The following SGSH variants were observed in gnomAD, a reference collection of about 807,000 sequenced individuals.
SGSH encodes heparan sulfate sulfatase.
SGSH carries 48 observed loss-of-function variants against 51.0 expected under a neutral mutation model. The observed-to-expected ratio is 0.94, with a 90% CI of 0.75 to 1.20. The LOEUF (loss-of-function observed/expected upper bound fraction) is 1.20. Among genes scored for constraint, SGSH ranks in the 50% most tolerant of loss-of-function variants. The pLI is 0.00. For missense variants in SGSH, 662 were observed against 717.8 expected (o/e 0.92, Z 0.89); for synonymous variants, 321 against 313.4 (o/e 1.02, Z -0.26).
At chr17:80,201,665 G>A in the SGSH span, 4 of 1,530,248 alleles carry the variant, frequency 2.6e-6, no homozygotes, top group Non-Finnish European at 3.6e-6. This position sits in a 1 kb window ranked among gnomAD's most constrained non-coding sequence, Gnocchi z 5.0. Flanking sequence ...CCTCGCCTCA[G>A]TGCCCTCAGC....
In SGSH at chr17:80,214,768, G is replaced by A. The variant is rs1361176382; in HGVS notation, c.356-3C>T. ...CACGTGCTTCTTCCCGATGATGCCT[G>A]GGCGGGAAGAGAGGCCTGGCCAGAG... On this transcript the variant is annotated splice_region_variant and splice_polypyrimidine_tract_variant and intron_variant, in intron 3 of 7. Coordinates refer to ENST00000326317, the MANE Select transcript of SGSH (RefSeq NM_000199.5). The A allele has an allele frequency of 6.2e-7, 1 of 1,610,702 alleles. No homozygotes were observed. The highest frequency in any genetic ancestry group is 8.5e-7 in the Non-Finnish European group (1 of 1,179,988).
In SGSH at chr17:80,212,583, C is replaced by T. The variant is rs140427382; in HGVS notation, c.746-309G>A. ...CCGGCTTTTGAGTTCTCCGGAATCT[C>T]GTGTCTGTCCCATGGAGCAAATAGG... is the stretch of plus-strand genomic sequence containing the variant. On this transcript the variant is annotated intron_variant, in intron 6 of 7. Coordinates refer to ENST00000326317, the MANE Select transcript of SGSH (RefSeq NM_000199.5). This position sits in a 1 kb window ranked among gnomAD's most constrained non-coding sequence, Gnocchi z 5.9. 180 of 451,928 alleles carry T rather than the reference C, an allele frequency of 4.0e-4. 2 individuals are homozygous for T. In the East Asian group the frequency reaches 8.1e-3, roughly 20 times the overall value. The allele number at this position is 451,928 out of a possible 1,614,324, so 28.0% of individuals were successfully genotyped here.
chr17:80,211,800 G>A, intron 7 of SGSH: 2 of 534,324 alleles, frequency 3.7e-6, no homozygotes, highest in Non-Finnish European at 6.8e-6. Flanking sequence ...CTCATCGGAG[G>A]TAGGCGGGGA....
downstream of SGSH, chr17:80,205,263 C>T: frequency 2.8e-6 from 4 of 1,448,950 alleles, no homozygotes; most frequent in South Asian, 2.5e-5. Flanking sequence ...TCCCTCCTCC[C>T]CTTCCTCCCT....
intron 2 of SGSH, among the ~76,000 whole-genome samples, chr17:80,216,152 A>C (rs7406960): frequency 0.38 from 57,273 of 151,744 alleles, 11,139 homozygotes; most frequent in Admixed American, 0.48. Flanking sequence ...AACATGATGA[A>C]ACCCCATCTC....
Position 80,213,927 on chromosome 17 carries a change from C to T in SGSH, c.664-42G>A, listed in dbSNP as rs772131004. 81 of 1,440,354 alleles carry T rather than the reference C, an allele frequency of 5.6e-5. No homozygotes were observed. The highest frequency in any genetic ancestry group is 2.1e-4 in the East Asian group (9 of 42,828). 89.2% of individuals were successfully genotyped at this position (1,440,354 alleles called of 1,614,324 possible). The stretch of plus-strand genomic sequence containing the variant: ...GGAGCCAGGCTTAGAACAGACAGAC[C>T]GGGGGAGCGGTGTCCAGCCTTCTCC... On this transcript the variant is annotated intron_variant, in intron 5 of 7. Transcript: ENST00000326317. The surrounding 1 kb of genome is among the most constrained non-coding windows in gnomAD (Gnocchi z 4.6).
intron 2 of SGSH, among the ~76,000 whole-genome samples, chr17:80,215,811 T>C (rs1261209431): frequency 6.6e-6 from 1 of 152,062 alleles, no homozygotes; most frequent in Non-Finnish European, 1.5e-5. Context: ...AGAGTGAGAC[T>C]AAAAGAACAA....
intron 3 of SGSH, 103 bp from the exon 4 acceptor site, chr17:80,214,868 G>A (rs1342393956): frequency 4.9e-6 from 7 of 1,417,914 alleles, no homozygotes; most frequent in Admixed American, 1.7e-5. Flanking sequence ...GGTTCTCGTG[G>A]ACACACAGCC....
downstream of SGSH, chr17:80,204,264 T>C: frequency 6.3e-7 from 1 of 1,599,106 alleles, no homozygotes; most frequent in Non-Finnish European, 8.6e-7. Context: ...GTCCGCATCG[T>C]CAGTATGGAC....
rs764534420 is a variant in SGSH at position 80,209,751 on chromosome 17, G to A, written c.*701C>T. ...CGGGCATCGCCATGCCTTCATCTTC[G>A]GACACTCTCAAAAAAGATAAGCTTC... is the stretch of plus-strand genomic sequence containing the variant. On this transcript the variant is annotated 3_prime_UTR_variant, in exon 8 of 8. Coordinates refer to ENST00000326317, the MANE Select transcript of SGSH (RefSeq NM_000199.5). 8.1e-6 allele frequency: 8 copies of A among 985,338 alleles called. No individual in the cohort carries two copies. The highest frequency in any genetic ancestry group is 4.7e-5 in the South Asian group (1 of 21,292). The allele number at this position is 985,338 out of a possible 1,614,324, so 61.0% of individuals were successfully genotyped here.
chr17:80,215,179 C>G, intron 2 of SGSH, 41 bp from the exon 3 acceptor site: 1 of 1,437,930 alleles, frequency 7.0e-7, no homozygotes, highest in Non-Finnish European at 9.6e-7. Flanking sequence ...CCCCGGACAG[C>G]CAGAGCCCGC....
Position 80,210,911 on chromosome 17 carries a change from C to A in SGSH, c.1050G>T (p.Pro350=). 6.2e-7 allele frequency: 1 copy of A among 1,610,420 alleles called. No individual in the cohort carries two copies. Among genetic ancestry groups the A allele is most frequent in the Non-Finnish European group, 8.5e-7 (1 of 1,179,956 alleles). Residue 350 remains proline (P), a synonymous_variant, in exon 8 of 8, where the codon CCG becomes CCT. Transcript: ENST00000326317. The part of the protein sequence containing the change: ...TIHLTGRSLL[P]ALEAEPLWAT... ...CCCAGAGGGGCTCGGCCTCCAGCGC[C>A]GGCAGGAGGGACCGGCCAGTGAGGT...
the SGSH span, chr17:80,201,494 C>A: frequency 7.7e-6 from 4 of 521,088 alleles, no homozygotes; most frequent in Non-Finnish European, 1.4e-5. This position sits in a 1 kb window ranked among gnomAD's most constrained non-coding sequence, Gnocchi z 5.0. Context: ...TCACAAAGAA[C>A]CCCCGATCTC....
chr17:80,205,030 C>T (rs780582938), downstream of SGSH: 15 of 1,574,372 alleles, frequency 9.5e-6, no homozygotes, highest in Non-Finnish European at 1.3e-5. Context: ...TCCTCTCCTC[C>T]ACAGGCTCCA....
chr17:80,215,680 G>T (rs1236255724), intron 2 of SGSH, among the ~76,000 whole-genome samples: 1 of 152,150 alleles, frequency 6.6e-6, no homozygotes, highest in Non-Finnish European at 1.5e-5. Context: ...TTAGCTGGGC[G>T]TGGTGGCGGG....
At position 80,209,670 on chromosome 17, in the gene SGSH, G is replaced by A. The variant is rs868131368; in HGVS notation, c.*782C>T. ...GAAGAATTAACCCAAGCCAGAGGAC[G>A]GGCATCACCACCCAGCAATGCCAGT... On this transcript the variant is annotated 3_prime_UTR_variant, in exon 8 of 8. Transcript: ENST00000326317. 6.1e-6 allele frequency: 6 copies of A among 983,766 alleles called. No homozygotes were observed. Among genetic ancestry groups the A allele is most frequent in the Non-Finnish European group, 7.2e-6 (6 of 829,596 alleles). The allele number at this position is 983,766 out of a possible 1,614,324, so 60.9% of individuals were successfully genotyped here. A position where few individuals can be genotyped will look rare whatever the true frequency, so the allele number is the denominator to read the frequency against.
At position 80,211,022 on chromosome 17, in the gene SGSH, C is replaced by G; in HGVS notation, c.950-11G>C. ...TGGTGGGCGTGAGGTCTGGAAGGGACGCGGCATCTCAGAGCAGCAGAGCCC... is the reference window on the plus strand; with the variant it reads ...TGGTGGGCGTGAGGTCTGGAAGGGAGGCGGCATCTCAGAGCAGCAGAGCCC... On this transcript the variant is annotated splice_polypyrimidine_tract_variant and intron_variant, in intron 7 of 7. Transcript: ENST00000326317. 1 of 1,598,234 alleles carries G rather than the reference C, an allele frequency of 6.3e-7. No homozygotes were observed. The highest frequency in any genetic ancestry group is 1.1e-5 in the South Asian group (1 of 91,074).
Position 80,213,987 on chromosome 17 carries a change from G to A in SGSH, c.664-102C>T. The A allele has an allele frequency of 1.5e-6, 2 of 1,332,626 alleles. No individual in the cohort carries two copies. The highest frequency in any genetic ancestry group is 2.1e-6 in the Non-Finnish European group (2 of 956,814). 82.6% of individuals were successfully genotyped at this position (1,332,626 alleles called of 1,614,324 possible). A position where few individuals can be genotyped will look rare whatever the true frequency, so the allele number is the denominator to read the frequency against. On this transcript the variant is annotated intron_variant, in intron 5 of 7. Transcript: ENST00000326317. This position sits in a 1 kb window ranked among gnomAD's most constrained non-coding sequence, Gnocchi z 4.6. ...CCTGCAAATGGGTTAGCCCAGAACA[G>A]CCTCACTCCGGACCACCCCGTCTCT...
At chr17:80,219,417 C>T (rs1044532998) in intron 1 of SGSH, among the ~76,000 whole-genome samples, 2 of 152,190 alleles carry the variant, frequency 1.3e-5, no homozygotes, top group African/African-American at 2.4e-5. Context: ...GCCCAGGGGC[C>T]GCATAGCCTG....
Sources: gnomAD v4.1 joint callset for allele counts (sites outside exome capture counted in the v4.1 genomes callset) on GRCh38, gnomAD v4.1.1 for gene constraint, Gnocchi (gnomAD v3.1) non-coding constraint, MANE v1.5 for transcripts, NCBI Gene and HGNC (gene_info 2026-07-23, HGNC 2026-07-21) for gene names.